Variants in ASCC1 observed in about 807,000 individuals in gnomAD.
The protein encoded by ASCC1 is activating signal cointegrator 1 complex subunit 1.
In ASCC1, 35 loss-of-function variants were observed where a neutral mutation model predicts 46.6. That is an observed-to-expected ratio of 0.75 (90% CI 0.57 to 0.99). The LOEUF (loss-of-function observed/expected upper bound fraction) is 0.99, where lower values mean the gene tolerates loss of function less well. Ranked by LOEUF, ASCC1 falls within the 50% of genes least tolerant of loss-of-function variation. The pLI, the probability that ASCC1 is intolerant of heterozygous loss-of-function variation, is 0.00. For synonymous variants in ASCC1, 143 were observed against 146.6 expected (o/e 0.98, Z 0.18); for missense variants, 376 against 428.7 (o/e 0.88, Z 1.09).
At chr10:72,162,130 C>G (rs1849766764) in intron 5 of ASCC1, among the ~76,000 whole-genome samples, 2 of 152,108 alleles carry the variant, frequency 1.3e-5, no homozygotes, top group South Asian at 4.2e-4. Context: ...AAGAACTCTT[C>G]CAATTCAACA....
At chr10:72,102,370 T>C in intron 9 of ASCC1, 8 of 1,550,456 alleles carry the variant, frequency 5.2e-6, no homozygotes, top group Non-Finnish European at 7.0e-6. Context: ...TTCTCGATTC[T>C]AGGATTTTCC....
At chr10:72,134,813 T>C (rs1324739276) in intron 7 of ASCC1, among the ~76,000 whole-genome samples, 1 of 151,928 alleles carries the variant, frequency 6.6e-6, no homozygotes, top group Admixed American at 6.6e-5. Flanking sequence ...GAAATGAGAA[T>C]TACAAGGGGG....
chr10:72,131,632 A>G (rs1202668609), intron 8 of ASCC1, among the ~76,000 whole-genome samples: 6 of 152,176 alleles, frequency 3.9e-5, no homozygotes, highest in African/African-American at 1.4e-4. Flanking sequence ...TCAATATGGC[A>G]TCACAAAATA....
chr10:72,161,458 G>C, intron 6 of ASCC1, 80 bp downstream of exon 6: 2 of 1,574,566 alleles, frequency 1.3e-6, no homozygotes, highest in Non-Finnish European at 1.7e-6. Context: ...TACACCCTCT[G>C]GTTCAAAAAC....
chr10:72,117,380 T>C (rs2132090283), intron 9 of ASCC1, among the ~76,000 whole-genome samples: 1 of 152,326 alleles, frequency 6.6e-6, no homozygotes, highest in South Asian at 2.1e-4. Flanking sequence ...GCCATATGCC[T>C]GGAAGCACTA....
At chr10:72,180,274 G>A (rs1400869849) in intron 5 of ASCC1, among the ~76,000 whole-genome samples, 8 of 150,504 alleles carry the variant, frequency 5.3e-5, no homozygotes, top group African/African-American at 1.7e-4. Context: ...GCGAGACCCC[G>A]TCTTAAAAAG....
chr10:72,127,217 G>A (rs985397469), intron 9 of ASCC1, among the ~76,000 whole-genome samples: 1 of 152,196 alleles, frequency 6.6e-6, no homozygotes, highest in Admixed American at 6.5e-5. Flanking sequence ...TACAGAGCAA[G>A]TGAAAAGAAG....
chr10:72,109,344 G>A (rs1564583696), intron 9 of ASCC1, among the ~76,000 whole-genome samples: 1 of 152,168 alleles, frequency 6.6e-6, no homozygotes, highest in African/African-American at 2.4e-5. Context: ...AAAGGCTTGT[G>A]TGTCCCCAGA....
At chr10:72,157,789 ATT>A (rs1397076427) in intron 6 of ASCC1, among the ~76,000 whole-genome samples, 4 of 152,214 alleles carry the variant, frequency 2.6e-5, no homozygotes, top group Non-Finnish European at 4.4e-5. Context: ...TATAAAAAAA[ATT>A]GTCATACTGC....
intron 9 of ASCC1, among the ~76,000 whole-genome samples, chr10:72,123,972 G>A (rs1388379439): frequency 1.3e-5 from 2 of 152,126 alleles, no homozygotes; most frequent in Non-Finnish European, 2.9e-5. Context: ...ATTTTTAAAA[G>A]CTTCCTTCAT....
At chr10:72,102,322 G>A in intron 9 of ASCC1, 1 of 1,546,984 alleles carries the variant, frequency 6.5e-7, no homozygotes. Context: ...CACACTCACG[G>A]CTGTATCTTA....
rs529030935 is a variant in ASCC1, at chr10:72,161,922, C to T, written c.490-248G>A. Reference sequence around the variant, plus strand: ...AAAAAATTAACAAAATAGATCATGACCTGGAATTCAGCAATGGATTCTCAG... The same window carrying T: ...AAAAAATTAACAAAATAGATCATGATCTGGAATTCAGCAATGGATTCTCAG... On this transcript the variant is annotated intron_variant, in intron 5 of 9. Coordinates refer to ENST00000672957, the MANE Select transcript of ASCC1 (RefSeq NM_001198800.3). Among the ~76,000 whole-genome samples, 4 of 152,234 alleles carry T rather than the reference C, an allele frequency of 2.6e-5. No homozygotes were observed. The South Asian group carries it at 8.3e-4, about 32-fold the overall frequency.
chr10:72,117,507 A>G (rs1843632450), intron 9 of ASCC1, among the ~76,000 whole-genome samples: 1 of 152,170 alleles, frequency 6.6e-6, no homozygotes, highest in South Asian at 2.1e-4. Flanking sequence ...TTTTCCCCTC[A>G]TATTTTCTCT....
intron 5 of ASCC1, among the ~76,000 whole-genome samples, chr10:72,176,162 C>A (rs1291295191): frequency 6.6e-6 from 1 of 152,114 alleles, no homozygotes; most frequent in Non-Finnish European, 1.5e-5. Context: ...TGGAATATAT[C>A]CCCTCCTGAA....
intron 9 of ASCC1, among the ~76,000 whole-genome samples, chr10:72,107,054 T>C (rs574356670): frequency 2.6e-5 from 4 of 152,214 alleles, no homozygotes; most frequent in South Asian, 2.1e-4. Flanking sequence ...AAGATCCCAA[T>C]TGCAAAACAT....
chr10:72,212,155 A>T (rs568641015), intron 2 of ASCC1: 5 of 163,266 alleles, frequency 3.1e-5, no homozygotes, highest in Non-Finnish European at 5.4e-5. Flanking sequence ...TCAACTAAAA[A>T]TACAAAAATT....
chr10:72,190,995 CAAAA>C (rs556780486), intron 5 of ASCC1, among the ~76,000 whole-genome samples: 1 of 87,128 alleles, frequency 1.1e-5, no homozygotes, highest in Non-Finnish European at 2.3e-5. Context: ...GACGCCGTCT[CAAAA>C]AAAAAAAAAA....
intron 9 of ASCC1, among the ~76,000 whole-genome samples, chr10:72,114,466 A>C (rs923530178): frequency 1.3e-5 from 2 of 152,152 alleles, no homozygotes; most frequent in African/African-American, 2.4e-5. Flanking sequence ...TCTACTAAAA[A>C]TACAAAATAT....
At chr10:72,194,688 G>A (rs112431446) in intron 5 of ASCC1, among the ~76,000 whole-genome samples, 2 of 152,082 alleles carry the variant, frequency 1.3e-5, no homozygotes, top group South Asian at 2.1e-4. Flanking sequence ...TAGCCATTAC[G>A]AAACCAAATC....
Sources: allele counts gnomAD v4.1 joint callset (sites outside exome capture counted in the v4.1 genomes callset), GRCh38; gene constraint gnomAD v4.1.1; transcripts MANE v1.5; gene names NCBI Gene and HGNC (gene_info 2026-07-23, HGNC 2026-07-21).